ANKRD44: variants seen among roughly 807,000 people sequenced by gnomAD.
The protein encoded by ANKRD44 is ankyrin repeat domain 44.
Under a neutral mutation model 116.0 loss-of-function variants are expected in ANKRD44, and 35 were observed. That is an observed-to-expected ratio of 0.30 (90% CI 0.23 to 0.40). The LOEUF is 0.40. ANKRD44 is among the 10% of genes least tolerant of loss of function. ANKRD44 has a pLI of 1.00. For synonymous variants in ANKRD44, 435 were observed against 461.8 expected, an observed-to-expected ratio of 0.94 and a Z score of 0.74; for missense variants, 1,014 against 1,242.6, an observed-to-expected ratio of 0.82 and a Z score of 2.77.
intron 1 of ANKRD44, among the ~76,000 whole-genome samples, chr2:197,280,428 A>T (rs1054066458): frequency 6.6e-6 from 1 of 151,868 alleles, no homozygotes; most frequent in Non-Finnish European, 1.5e-5. Context: ...CCAAATTACC[A>T]AAAGCTCAAC....
chr2:196,974,715 C>G (rs750835569), intron 21 of ANKRD44, among the ~76,000 whole-genome samples: 2 of 151,808 alleles, frequency 1.3e-5, no homozygotes, highest in Non-Finnish European at 2.9e-5. Flanking sequence ...CATGTTGAAA[C>G]CCTGTCTCTA....
intron 1 of ANKRD44, among the ~76,000 whole-genome samples, chr2:197,243,763 T>A (rs112676546): frequency 6.6e-6 from 1 of 152,282 alleles, no homozygotes; most frequent in Non-Finnish European, 1.5e-5. Context: ...GCCTCTTTCA[T>A]AAGGGCACAA....
Position 196,995,446 on chromosome 2 carries a change from C to T in ANKRD44, c.2764G>A (p.Ala922Thr), listed in dbSNP as rs1337727205. 1 of 1,609,572 alleles carries T rather than the reference C, an allele frequency of 6.2e-7. No homozygotes were observed. The highest frequency in any genetic ancestry group is 8.5e-7 in the Non-Finnish European group (1 of 1,177,484). ...LACSKGHEKC[A>T]LLILDKIQDE... The stretch of plus-strand genomic sequence containing the variant: ...TGTATCTTGTCAAGTATTAACAAGG[C>T]ACATTTTTCATGACCCTAATAAAGA... The change falls in exon 26 of 28, where the codon GCC becomes ACC. Residue 922 changes from alanine (A) to threonine (T), a missense_variant. Coordinates refer to ENST00000282272, the MANE Select transcript of ANKRD44 (RefSeq NM_001195144.2).
At chr2:197,009,333 C>T (rs1477915738) in intron 18 of ANKRD44, among the ~76,000 whole-genome samples, 1 of 151,958 alleles carries the variant, frequency 6.6e-6, no homozygotes, top group African/African-American at 2.4e-5. Context: ...CCCAGGTGAT[C>T]CGCCAGCCTC....
chr2:197,075,233 G>C (rs2077641157), intron 16 of ANKRD44, among the ~76,000 whole-genome samples: 1 of 152,028 alleles, frequency 6.6e-6, no homozygotes, highest in African/African-American at 2.4e-5. Context: ...TATGTTCATG[G>C]ACAAATCTTT....
At chr2:197,179,814 T>C (rs369640286) in intron 2 of ANKRD44, among the ~76,000 whole-genome samples, 2 of 152,326 alleles carry the variant, frequency 1.3e-5, no homozygotes, top group African/African-American at 4.8e-5. Context: ...TAAATGGCCG[T>C]GAAGCCACAT....
At chr2:197,078,542 G>T in intron 16 of ANKRD44, 161 bp downstream of exon 16, 1 of 1,486,422 alleles carries the variant, frequency 6.7e-7, no homozygotes. Context: ...TGGTGCAGTA[G>T]AAAAAACACT....
chr2:197,289,695 G>A (rs1489371863), intron 1 of ANKRD44, among the ~76,000 whole-genome samples: 2 of 152,168 alleles, frequency 1.3e-5, no homozygotes, highest in Non-Finnish European at 2.9e-5. Flanking sequence ...TATTTGCCTA[G>A]GATGTAAAGT....
intron 1 of ANKRD44, among the ~76,000 whole-genome samples, chr2:197,230,576 A>T (rs2081834556): frequency 6.6e-6 from 1 of 152,220 alleles, no homozygotes; most frequent in Non-Finnish European, 1.5e-5. Flanking sequence ...AAAATTAAAA[A>T]GTATTTTTAT....
intron 3 of ANKRD44, among the ~76,000 whole-genome samples, chr2:197,138,115 A>C (rs1375538333): frequency 6.6e-6 from 1 of 152,244 alleles, no homozygotes; most frequent in Non-Finnish European, 1.5e-5. Context: ...AACAACAGTA[A>C]TAATACTTCT....
chr2:197,250,185 G>A (rs140742046), intron 1 of ANKRD44, among the ~76,000 whole-genome samples: 2 of 152,110 alleles, frequency 1.3e-5, no homozygotes, highest in African/African-American at 4.8e-5. Flanking sequence ...CCATCTTCTC[G>A]CTCTGCCAGC....
chr2:197,008,659 C>T (rs749201756), intron 19 of ANKRD44, among the ~76,000 whole-genome samples: 8 of 151,854 alleles, frequency 5.3e-5, no homozygotes, highest in East Asian at 1.9e-4. Flanking sequence ...TAAAAATGGG[C>T]GGAAAGAGGG....
intron 16 of ANKRD44, among the ~76,000 whole-genome samples, chr2:197,039,829 G>T (rs1490519041): frequency 1.3e-5 from 2 of 151,820 alleles, no homozygotes; most frequent in African/African-American, 2.4e-5. Flanking sequence ...GAGTAAGAAG[G>T]GTAAATAGGT....
chr2:197,286,775 T>A lies in ANKRD44; in HGVS notation c.27+23803A>T, dbSNP rs145773812. ...GAAAAATATGTACCTTTGGTAAGCA[T>A]GAAAAAAGGCCACAGAATGAAAAAT... On this transcript the variant is annotated intron_variant, in intron 1 of 27. Coordinates refer to ENST00000282272, the MANE Select transcript of ANKRD44 (RefSeq NM_001195144.2). 1.6e-4 allele frequency among the ~76,000 whole-genome samples: 25 copies of A among 152,224 alleles called. No individual in the cohort carries two copies. The East Asian group carries it at 4.6e-3, about 28-fold the overall frequency.
intron 17 of ANKRD44, among the ~76,000 whole-genome samples, chr2:197,022,578 C>G (rs1430279718): frequency 1.3e-5 from 2 of 152,232 alleles, no homozygotes; most frequent in Non-Finnish European, 2.9e-5. Flanking sequence ...GGCCCCTTTC[C>G]TGTTCTGTGG....
chr2:196,984,417 C>G (rs80104968), downstream of ANKRD44, among the ~76,000 whole-genome samples: 1,971 of 152,288 alleles, frequency 0.013, 45 homozygotes, highest in East Asian at 0.11. Context: ...AGCAAATGTA[C>G]CTTCAGGATG....
chr2:197,010,472 A>G (rs903883387), intron 18 of ANKRD44, among the ~76,000 whole-genome samples: 2 of 152,120 alleles, frequency 1.3e-5, no homozygotes, highest in African/African-American at 2.4e-5. Flanking sequence ...TGCGGCCCCC[A>G]TGCGGGGCAG....
intron 1 of ANKRD44, among the ~76,000 whole-genome samples, chr2:197,229,790 G>A (rs2081812524): frequency 6.6e-6 from 1 of 152,166 alleles, no homozygotes; most frequent in African/African-American, 2.4e-5. Flanking sequence ...TAGGGCTAGA[G>A]CCCATGCAGT....
chr2:197,114,916 C>T (rs756104291), intron 8 of ANKRD44, among the ~76,000 whole-genome samples: 11 of 152,172 alleles, frequency 7.2e-5, no homozygotes, highest in South Asian at 2.1e-4. Context: ...AGAGATGGAA[C>T]GTGGTTGGCT....
Sources: allele counts gnomAD v4.1 joint callset (sites outside exome capture counted in the v4.1 genomes callset), GRCh38; gene constraint gnomAD v4.1.1; transcripts MANE v1.5; gene names NCBI Gene and HGNC (gene_info 2026-07-23, HGNC 2026-07-21).